Variants in SPEG observed in about 807,000 individuals in gnomAD.
SPEG encodes striated muscle preferentially expressed protein kinase.
Under a neutral mutation model 300.4 loss-of-function variants are expected in SPEG, and 114 were observed. The ratio of observed to expected loss-of-function variants is 0.38; its 90% CI spans 0.33 to 0.44. SPEG has a LOEUF of 0.44. Among genes scored for constraint, SPEG ranks in the 20% least tolerant of loss-of-function variants. The pLI is 1.00. For synonymous variants in SPEG, 1,964 were observed against 2,018.9 expected, an observed-to-expected ratio of 0.97 and a Z score of 0.73; for missense variants, 4,201 against 4,586.2, an observed-to-expected ratio of 0.92 and a Z score of 2.43.
rs571134713 is a variant in SPEG, at chr2:219,459,132, A to G, written c.2441-2750A>G. Among the ~76,000 whole-genome samples the G allele has an allele frequency of 6.6e-6, 1 of 152,360 alleles. No homozygotes were observed. The highest frequency in any genetic ancestry group is 2.1e-4 in the South Asian group (1 of 4,828). On this transcript the variant is annotated intron_variant, in intron 6 of 40. Transcript: ENST00000312358. The surrounding 1 kb of genome is among the most constrained non-coding windows in gnomAD (Gnocchi z 4.9). ...TGAGAGTGATGTTGAAAGGGCAGACATGAGCATGGGGTCAGCGTGGGGGAT... is the reference window on the plus strand; with the variant it reads ...TGAGAGTGATGTTGAAAGGGCAGACGTGAGCATGGGGTCAGCGTGGGGGAT...
chr2:219,473,321 C>A lies in SPEG; in HGVS notation c.4148-183C>A, dbSNP rs1692057273. The A allele has an allele frequency of 2.6e-6, 2 of 766,156 alleles. No homozygotes were observed. The highest frequency in any genetic ancestry group is 1.8e-5 in the African/African-American group (1 of 57,008). The allele number at this position is 766,156 out of a possible 1,614,324, so 47.5% of individuals were successfully genotyped here. ...GATCGGGCCTGCTGGGGTCCAACCC[C>A]ACAACCTCAGCTTTGCTGCTCTCTG... is the stretch of plus-strand genomic sequence containing the variant. On this transcript the variant is annotated intron_variant, in intron 16 of 40. Coordinates refer to ENST00000312358, the MANE Select transcript of SPEG (RefSeq NM_005876.5). The surrounding 1 kb of genome is among the most constrained non-coding windows in gnomAD (Gnocchi z 4.6).
chr2:219,468,605 C>T lies in SPEG; in HGVS notation c.3170C>T (p.Thr1057Ile), dbSNP rs1691588427. 2 of 1,613,526 alleles carry T rather than the reference C, an allele frequency of 1.2e-6. No individual in the cohort carries two copies. Among genetic ancestry groups the T allele is most frequent in the Non-Finnish European group, 8.5e-7 (1 of 1,179,998 alleles). ...KDELTCSARL[T>I]VRPSLAPLFT... is the part of the protein sequence containing the mutation. Reference sequence around the variant, plus strand: ...GAGCTGACCTGCAGTGCCCGGCTGACCGTGCGGCCCTCGTTGGCACCCCTG... The same window carrying T: ...GAGCTGACCTGCAGTGCCCGGCTGATCGTGCGGCCCTCGTTGGCACCCCTG... The change falls in exon 11 of 41, where the codon ACC (threonine) becomes ATC (isoleucine). Residue 1057 changes from threonine to isoleucine, a missense_variant. By Grantham distance (89) the Thr-to-Ile change is moderately conservative. This residue lies in a region of SPEG where 1,047 missense variants were observed against 1,356.8 expected (regional missense o/e 0.77). Coordinates refer to ENST00000312358, the MANE Select transcript of SPEG (RefSeq NM_005876.5).
In SPEG at chr2:219,477,824, G is replaced by A. The variant is rs770842640; in HGVS notation, c.4826+39G>A. ...AGGGAAGCCAGTGGGGGCCGAGAGAGGCTGCTGGGTCTGAGGGTTGGGAGG... is the reference window on the plus strand; with the variant it reads ...AGGGAAGCCAGTGGGGGCCGAGAGAAGCTGCTGGGTCTGAGGGTTGGGAGG... On this transcript the variant is annotated intron_variant, in intron 21 of 40. Transcript: ENST00000312358. The surrounding 1 kb of genome is among the most constrained non-coding windows in gnomAD (Gnocchi z 6.4). 1.9e-6 allele frequency: 3 copies of A among 1,594,300 alleles called. No homozygotes were observed. Among genetic ancestry groups the A allele is most frequent in the South Asian group, 1.1e-5 (1 of 89,018 alleles).
At chr2:219,441,555 G>C (rs1159811805) in intron 1 of SPEG, 11 of 470,818 alleles carry the variant, frequency 2.3e-5, no homozygotes, top group South Asian at 1.5e-4. Flanking sequence ...TGAGCAAGTC[G>C]AGATGCTGCT....
In SPEG at chr2:219,443,792, A is replaced by G. The variant is rs1247596064; in HGVS notation, c.389-861A>G. The G allele has an allele frequency of 2.5e-5, 9 of 365,186 alleles. No individual in the cohort carries two copies. The highest frequency in any genetic ancestry group is 2.1e-5 in the African/African-American group (1 of 47,124). 22.6% of individuals were successfully genotyped at this position (365,186 alleles called of 1,614,324 possible). A position where few individuals can be genotyped will look rare whatever the true frequency, so the allele number is the denominator to read the frequency against. On this transcript the variant is annotated intron_variant, in intron 1 of 40. Coordinates refer to ENST00000312358, the MANE Select transcript of SPEG (RefSeq NM_005876.5). The surrounding 1 kb of genome is among the most constrained non-coding windows in gnomAD (Gnocchi z 4.6). ...TGTGTGTGTGGCCAGTGGCAGCACC[A>G]GTAAGTGCCAAGGATACCAGAACCA... is the stretch of plus-strand genomic sequence containing the variant.
chr2:219,472,126 C>T (rs893614614), intron 14 of SPEG, 101 bp from the exon 15 acceptor site: 22 of 1,513,272 alleles, frequency 1.5e-5, no homozygotes, highest in African/African-American at 4.1e-5. Context: ...CCTGCCCCTG[C>T]GGCTGAGCCC....
Position 219,449,039 on chromosome 2 carries a change from C to G in SPEG, c.1881C>G (p.Pro627=). 6.6e-7 allele frequency: 1 copy of G among 1,519,018 alleles called. No individual in the cohort carries two copies. Among genetic ancestry groups the G allele is most frequent in the Admixed American group, 2.1e-5 (1 of 48,056 alleles). 94.1% of individuals were successfully genotyped at this position (1,519,018 alleles called of 1,614,324 possible). The part of the protein sequence containing the change: ...DPPEARTKAP[P]GRKREPPAQA... ...CAGAGGCCAGGACGAAAGCACCCCCCGGTCGGAAGCGGGAGCCCCCGGCGC... is the reference window on the plus strand; with the variant it reads ...CAGAGGCCAGGACGAAAGCACCCCCGGGTCGGAAGCGGGAGCCCCCGGCGC... The change falls in exon 4 of 41, where the codon CCC becomes CCG. Residue 627 remains proline, a synonymous_variant. Transcript: ENST00000312358.
intron 34 of SPEG, 63 bp downstream of exon 34, chr2:219,488,963 G>A: frequency 6.2e-7 from 1 of 1,602,018 alleles, no homozygotes; most frequent in African/African-American, 1.3e-5. Context: ...AGTCTGGTAA[G>A]GCCAGTGCCC....
intron 6 of SPEG, chr2:219,461,485 T>A (rs745604607): frequency 1.9e-6 from 2 of 1,073,762 alleles, no homozygotes; most frequent in Non-Finnish European, 2.3e-6. Flanking sequence ...CAGGGTTCCA[T>A]AGACCTGCTT....
At chr2:219,466,214 A>C (rs2125448802) in intron 9 of SPEG, 4 of 1,429,168 alleles carry the variant, frequency 2.8e-6, no homozygotes, top group East Asian at 2.5e-5. Context: ...TCCCCACCCC[A>C]TGCAGCCCCC....
chr2:219,464,464 C>G lies in SPEG; in HGVS notation c.2737C>G (p.Gln913Glu). ...AAACCGCCAGCCCGTGCGCCCAGAC[C>G]AGCGGCGCTTTGCGGAGGAGGCTGA... ...LRNRQPVRPDQRRFAEEAEGG... is the reference protein window; with the variant it reads ...LRNRQPVRPDERRFAEEAEGG... Residue 913 changes from glutamine (Q) to glutamate (E), a missense_variant, in exon 9 of 41, where the codon CAG (glutamine) becomes GAG (glutamate). By Grantham distance (29) the Gln-to-Glu change is conservative. This residue lies in a region of SPEG where 1,047 missense variants were observed against 1,356.8 expected (regional missense o/e 0.77). Transcript: ENST00000312358. The surrounding 1 kb of genome is among the most constrained non-coding windows in gnomAD (Gnocchi z 4.5). 6.2e-7 allele frequency: 1 copy of G among 1,613,098 alleles called. No homozygotes were observed. The highest frequency in any genetic ancestry group is 8.5e-7 in the Non-Finnish European group (1 of 1,179,974).
At chr2:219,478,142 G>A (rs1424959767) in intron 22 of SPEG, 37 bp downstream of exon 22, 3 of 1,570,816 alleles carry the variant, frequency 1.9e-6, no homozygotes, top group Admixed American at 3.4e-5. Context: ...GGGGATCCAT[G>A]CCTAAATGAC....
chr2:219,462,437 G>C lies in SPEG; in HGVS notation c.2705+51G>C, dbSNP rs778587557. ...CACCAGCGACTCTATGCCAGGCCTG[G>C]CTCTGGGAGGTCTGGCTTTGGGTGG... On this transcript the variant is annotated intron_variant, in intron 8 of 40. Transcript: ENST00000312358. 73 of 1,444,664 alleles carry C rather than the reference G, an allele frequency of 5.1e-5. No individual in the cohort carries two copies. In the Admixed American group the frequency reaches 6.9e-4, roughly 14 times the overall value. 89.5% of individuals were successfully genotyped at this position (1,444,664 alleles called of 1,614,324 possible).
chr2:219,487,181 C>G (rs1693514983), intron 31 of SPEG, among the ~76,000 whole-genome samples: 1 of 152,062 alleles, frequency 6.6e-6, no homozygotes, highest in African/African-American at 2.4e-5. Context: ...GGATCATGCA[C>G]TCAAATCCTC....
Position 219,479,754 on chromosome 2 carries a change from C to T in SPEG, c.5086-29C>T, listed in dbSNP as rs751548275. The T allele has an allele frequency of 3.1e-6, 5 of 1,611,114 alleles. No homozygotes were observed. Among genetic ancestry groups the T allele is most frequent in the Non-Finnish European group, 4.2e-6 (5 of 1,177,766 alleles). On this transcript the variant is annotated intron_variant, in intron 23 of 40. Transcript: ENST00000312358. The surrounding 1 kb of genome is among the most constrained non-coding windows in gnomAD (Gnocchi z 5.5). ...GTTCAGACATACACCACCCTTCCCC[C>T]TCAGACTCTGGGCCCACTATTTCCA...
chr2:219,492,570 A>G (rs1559439080), intron 40 of SPEG, 24 bp from the exon 41 acceptor site: 11 of 1,603,162 alleles, frequency 6.9e-6, no homozygotes, highest in Non-Finnish European at 9.3e-6. Flanking sequence ...TTCCAGGTTC[A>G]TCATCCCTGG....
In SPEG at chr2:219,484,289, G is replaced by A. The variant is rs1264626032; in HGVS notation, c.6826G>A (p.Ala2276Thr). Reference sequence around the variant, plus strand: ...GCCGCCTTCAGAGCCCAAGCCCCACGCTGCTGTCTTTGCCAGGGTGGCCTC... The same window carrying A: ...GCCGCCTTCAGAGCCCAAGCCCCACACTGCTGTCTTTGCCAGGGTGGCCTC... ...AAPPSEPKPH[A>T]AVFARVASPP... The change falls in exon 30 of 41, where the codon GCT (alanine) becomes ACT (threonine). Residue 2276 changes from alanine to threonine, a missense_variant. Physicochemically the swap from Ala to Thr is moderately conservative, Grantham distance 58. Around this residue, in one of 4 missense-constraint regions of SPEG, gnomAD observed 1,578 missense variants for 1,506.0 expected, o/e 1.05. Transcript: ENST00000312358. 2 of 1,607,512 alleles carry A rather than the reference G, an allele frequency of 1.2e-6. No individual in the cohort carries two copies. The highest frequency in any genetic ancestry group is 1.7e-6 in the Non-Finnish European group (2 of 1,179,384).
In SPEG at chr2:219,484,337, A is replaced by G. The variant is rs781007148; in HGVS notation, c.6874A>G (p.Lys2292Glu). Residue 2292 changes from lysine to glutamate, a missense_variant, in exon 30 of 41, where the codon AAG (lysine) becomes GAG (glutamate). Physicochemically the swap from Lys to Glu is moderately conservative, Grantham distance 56. Transcript: ENST00000312358. ...CTCCCCACCTCCGGGAGCCCCCGAG[A>G]AGCGCGTGCCCTCAGCCGGGGGTCC... ...VASPPPGAPE[K>E]RVPSAGGPPV... The G allele has an allele frequency of 1.2e-6, 2 of 1,604,230 alleles. No homozygotes were observed. Among genetic ancestry groups the G allele is most frequent in the African/African-American group, 1.3e-5 (1 of 74,740 alleles).
Position 219,485,063 on chromosome 2 carries a change from G to C in SPEG, c.7600G>C (p.Gly2534Arg). 6.5e-7 allele frequency: 1 copy of C among 1,532,514 alleles called. No individual in the cohort carries two copies. Among genetic ancestry groups the C allele is most frequent in the Non-Finnish European group, 8.7e-7 (1 of 1,146,022 alleles). The allele number at this position is 1,532,514 out of a possible 1,614,324, so 94.9% of individuals were successfully genotyped here. A position where few individuals can be genotyped will look rare whatever the true frequency, so the allele number is the denominator to read the frequency against. ...GGGCTCCGAGGCCAGCGCCACGTCG[G>C]GCTCCTCAGGTGAGGAGGGGCAGGG... ...SLGSEASATS[G>R]SSAPGESRSR... Residue 2534 changes from glycine (G) to arginine (R), a missense_variant, in exon 30 of 41, where the codon GGC becomes CGC. Physicochemically the swap from Gly to Arg is moderately radical, Grantham distance 125 (BLOSUM62 -2). Transcript: ENST00000312358.
Sources: allele counts gnomAD v4.1 joint callset (sites outside exome capture counted in the v4.1 genomes callset), GRCh38; gene constraint gnomAD v4.1.1; regional missense constraint gnomAD v4.1.1; non-coding constraint Gnocchi (gnomAD v3.1); transcripts MANE v1.5; gene names NCBI Gene and HGNC (gene_info 2026-07-23, HGNC 2026-07-21).